ZSWIM9: variants seen among roughly 807,000 people sequenced by gnomAD.
ZSWIM9 encodes uncharacterized protein ZSWIM9.
ZSWIM9 carries 11 observed loss-of-function variants against 25.0 expected under a neutral mutation model. The observed-to-expected ratio is 0.44, with a 90% CI of 0.28 to 0.73. ZSWIM9 has a LOEUF of 0.73. ZSWIM9 is among the 30% of genes least tolerant of loss of function. The pLI, the probability that ZSWIM9 is intolerant of heterozygous loss-of-function variation, is 0.16. For synonymous variants in ZSWIM9, 562 were observed against 582.1 expected (o/e 0.97, Z 0.50); for missense variants, 1,070 against 1,296.5 (o/e 0.83, Z 2.68).
rs1199274556 is a variant in ZSWIM9 at position 48,195,694 on chromosome 19, T to C, written c.1630T>C (p.Ser544Pro). Residue 544 changes from serine (S) to proline (P), a missense_variant, in exon 4 of 4, where the codon TCG becomes CCG. By Grantham distance (74) the Ser-to-Pro change is moderately conservative. Coordinates refer to ENST00000614654, the MANE Select transcript of ZSWIM9 (RefSeq NM_199341.4). This position sits in a 1 kb window ranked among gnomAD's most constrained non-coding sequence, Gnocchi z 5.8. ...ACTGGAAGGGGGTGTCTTGAGAGGG[T>C]CGAAGTTAGAGAAAGGGCACCTGAG... ...RGLEGGVLRG[S>P]KLEKGHLRGP... 6.9e-7 allele frequency: 1 copy of C among 1,452,012 alleles called. No homozygotes were observed. Among genetic ancestry groups the C allele is most frequent in the Admixed American group, 2.6e-5 (1 of 37,842 alleles). 89.9% of individuals were successfully genotyped at this position (1,452,012 alleles called of 1,614,324 possible).
intron 3 of ZSWIM9, among the ~76,000 whole-genome samples, chr19:48,189,724 T>C (rs534823394): frequency 1.3e-5 from 2 of 152,330 alleles, no homozygotes; most frequent in East Asian, 3.9e-4. Flanking sequence ...GTATGCTTAC[T>C]TGTACTCATA....
In ZSWIM9 at chr19:48,196,690, A is replaced by G; in HGVS notation, c.2626A>G (p.Thr876Ala). Reference protein sequence around the residue: ...TSDFFLDGALTRCSCSIHAAR... With the variant: ...TSDFFLDGALARCSCSIHAAR... ...GGACTTCTTCCTGGATGGGGCCCTG[A>G]CACGCTGCAGCTGCTCAATTCACGC... Residue 876 changes from threonine to alanine, a missense_variant, in exon 4 of 4, where the codon ACA becomes GCA. Physicochemically the swap from Thr to Ala is moderately conservative, Grantham distance 58. Around this residue, in one of 4 missense-constraint regions of ZSWIM9, gnomAD observed 583 missense variants for 624.7 expected, o/e 0.93. Transcript: ENST00000614654. The G allele has an allele frequency of 8.1e-7, 1 of 1,233,018 alleles. No individual in the cohort carries two copies. The highest frequency in any genetic ancestry group is 1.0e-6 in the Non-Finnish European group (1 of 988,672). 76.4% of individuals were successfully genotyped at this position (1,233,018 alleles called of 1,614,324 possible).
At chr19:48,191,262 T>C (rs1308661164) in intron 3 of ZSWIM9, among the ~76,000 whole-genome samples, 2 of 152,154 alleles carry the variant, frequency 1.3e-5, no homozygotes, top group Non-Finnish European at 2.9e-5. Flanking sequence ...TGGAGTACAG[T>C]GGCACAATCT....
intron 3 of ZSWIM9, among the ~76,000 whole-genome samples, chr19:48,191,086 ATGTGTATGTG>A (rs768561347): frequency 1.3e-4 from 19 of 142,648 alleles, no homozygotes; most frequent in South Asian, 6.6e-4. Flanking sequence ...TGCAGTGTGT[ATGTGTATGTG>A]TGTGTGTGTG....
Position 48,194,994 on chromosome 19 carries a change from C to T in ZSWIM9, c.930C>T (p.Pro310=). 7.4e-7 allele frequency: 1 copy of T among 1,342,952 alleles called. No individual in the cohort carries two copies. The highest frequency in any genetic ancestry group is 4.2e-5 in the Admixed American group (1 of 23,870). The allele number at this position is 1,342,952 out of a possible 1,614,324, so 83.2% of individuals were successfully genotyped here. Residue 310 remains proline, a synonymous_variant, in exon 4 of 4, where the codon CCC becomes CCT. Coordinates refer to ENST00000614654, the MANE Select transcript of ZSWIM9 (RefSeq NM_199341.4). The surrounding 1 kb of genome is among the most constrained non-coding windows in gnomAD (Gnocchi z 6.0). ...TGCCTGCAGTGCGCCAGCTGCTGCC[C>T]TGCGCGCGCGTGCAGATCTGCCGCG... ...AQLPAVRQLL[P]CARVQICRAQ... is the part of the protein sequence containing the mutation.
At position 48,197,143 on chromosome 19, in the gene ZSWIM9, G is replaced by A; in HGVS notation, c.*316G>A. ...TGGGACAGAAGGAAGGAAAGGGGCAGAGCTGGGGGGAGGGGGAGGAAGCGA... is the reference window on the plus strand; with the variant it reads ...TGGGACAGAAGGAAGGAAAGGGGCAAAGCTGGGGGGAGGGGGAGGAAGCGA... On this transcript the variant is annotated 3_prime_UTR_variant, in exon 4 of 4. Transcript: ENST00000614654. 1.4e-6 allele frequency: 1 copy of A among 691,544 alleles called. No individual in the cohort carries two copies. The highest frequency in any genetic ancestry group is 2.7e-5 in the East Asian group (1 of 37,060). 42.8% of individuals were successfully genotyped at this position (691,544 alleles called of 1,614,324 possible). A position where few individuals can be genotyped will look rare whatever the true frequency, so the allele number is the denominator to read the frequency against.
chr19:48,195,227 G>A lies in ZSWIM9; in HGVS notation c.1163G>A (p.Trp388Ter). The change falls in exon 4 of 4, where the codon TGG becomes TAG. Residue 388 changes from tryptophan to a stop codon, truncating the protein, a stop_gained. Transcript: ENST00000614654. LOFTEE classifies it low-confidence loss of function (END_TRUNC). This position sits in a 1 kb window ranked among gnomAD's most constrained non-coding sequence, Gnocchi z 5.8. Reference protein sequence around the residue: ...ERNWEPRRDMWVRFRAFEAAR... With the variant: ...ERNWEPRRDM ...AACTGGGAGCCCCGCCGCGACATGT[G>A]GGTCCGCTTCCGCGCCTTCGAGGCG... 6.5e-7 allele frequency: 1 copy of A among 1,528,598 alleles called. No individual in the cohort carries two copies. Among genetic ancestry groups the A allele is most frequent in the Non-Finnish European group, 8.8e-7 (1 of 1,142,696 alleles). 94.7% of individuals were successfully genotyped at this position (1,528,598 alleles called of 1,614,324 possible).
chr19:48,173,186 G>A (rs558082057), intron 2 of ZSWIM9, among the ~76,000 whole-genome samples: 2 of 152,316 alleles, frequency 1.3e-5, no homozygotes, highest in Non-Finnish European at 2.9e-5. Context: ...AAAAGAACAA[G>A]CTCACAGGTA....
Position 48,196,437 on chromosome 19 carries a change from A to T in ZSWIM9, c.2373A>T (p.Ala791=). Residue 791 remains alanine (A), a synonymous_variant, in exon 4 of 4, where the codon GCA becomes GCT. Transcript: ENST00000614654. Reference sequence around the variant, plus strand: ...CGGCGAGGAGTGAACACCTGGCTGCAGGTGACGGCCTGCAGGAAGGAGGCG... The same window carrying T: ...CGGCGAGGAGTGAACACCTGGCTGCTGGTGACGGCCTGCAGGAAGGAGGCG... ...WAAARSEHLA[A]GDGLQEGGED... 8.1e-7 allele frequency: 1 copy of T among 1,232,550 alleles called. No homozygotes were observed. The highest frequency in any genetic ancestry group is 1.0e-6 in the Non-Finnish European group (1 of 988,340). The allele number at this position is 1,232,550 out of a possible 1,614,324, so 76.4% of individuals were successfully genotyped here.
chr19:48,192,875 C>T (rs1004916886), intron 3 of ZSWIM9: 2 of 153,376 alleles, frequency 1.3e-5, no homozygotes, highest in African/African-American at 4.8e-5. Context: ...AATTATCTAA[C>T]AGCAGCACAT....
At chr19:48,179,885 A>G (rs2036930189) in intron 2 of ZSWIM9, among the ~76,000 whole-genome samples, 1 of 152,212 alleles carries the variant, frequency 6.6e-6, no homozygotes, top group South Asian at 2.1e-4. Context: ...GGCGGCCAAT[A>G]TGGGTCTCAG....
At position 48,195,643 on chromosome 19, in the gene ZSWIM9, C is replaced by T; in HGVS notation, c.1579C>T (p.Arg527Trp). Reference sequence around the variant, plus strand: ...GCAGATCAGAGATTGGAGAGGGGGTCGGTTGGAGAATCAGAAGCCGAGGGG... The same window carrying T: ...GCAGATCAGAGATTGGAGAGGGGGTTGGTTGGAGAATCAGAAGCCGAGGGG... ...ALQIRDWRGGRLENQKPRGLE... is the reference protein window; with the variant it reads ...ALQIRDWRGGWLENQKPRGLE... The change falls in exon 4 of 4, where the codon CGG (arginine) becomes TGG (tryptophan). Residue 527 changes from arginine to tryptophan, a missense_variant. This residue lies in a region of ZSWIM9 where 583 missense variants were observed against 624.7 expected (regional missense o/e 0.93). Transcript: ENST00000614654. The surrounding 1 kb of genome is among the most constrained non-coding windows in gnomAD (Gnocchi z 5.8). 7.1e-7 allele frequency: 1 copy of T among 1,417,742 alleles called. No homozygotes were observed. The highest frequency in any genetic ancestry group is 1.5e-5 in the African/African-American group (1 of 67,412). 87.8% of individuals were successfully genotyped at this position (1,417,742 alleles called of 1,614,324 possible).
In ZSWIM9 at chr19:48,195,022, C is replaced by T. The variant is rs2037140607; in HGVS notation, c.958C>T (p.Gln320Ter). 4.4e-6 allele frequency: 6 copies of T among 1,370,234 alleles called. No homozygotes were observed. The highest frequency in any genetic ancestry group is 3.7e-6 in the Non-Finnish European group (4 of 1,069,768). 84.9% of individuals were successfully genotyped at this position (1,370,234 alleles called of 1,614,324 possible). The change falls in exon 4 of 4, where the codon CAG becomes TAG. Residue 320 changes from glutamine to a stop codon, truncating the protein, a stop_gained. Transcript: ENST00000614654. LOFTEE classifies it low-confidence loss of function (END_TRUNC). This position sits in a 1 kb window ranked among gnomAD's most constrained non-coding sequence, Gnocchi z 5.8. ...CGCGCGCGTGCAGATCTGCCGCGCG[C>T]AGGGCCTGGAGACGCTCTTCAGCAA... ...PCARVQICRA[Q>*]GLETLFSKAQ...
chr19:48,187,502 T>C (rs1419576935), intron 3 of ZSWIM9, among the ~76,000 whole-genome samples: 1 of 3,404 alleles, frequency 2.9e-4, no homozygotes, highest in Non-Finnish European at 1.1e-3. Flanking sequence ...TATAATATAT[T>C]ATATTATATT....
In ZSWIM9 at chr19:48,197,306, G is replaced by C; in HGVS notation, c.*479G>C. On this transcript the variant is annotated 3_prime_UTR_variant, in exon 4 of 4. Coordinates refer to ENST00000614654, the MANE Select transcript of ZSWIM9 (RefSeq NM_199341.4). The stretch of plus-strand genomic sequence containing the variant: ...AAAATGGAAAGGGGAGCCGGAAATG[G>C]AGGAGAGAGGACAAGCAAAGAGACA... 1.4e-6 allele frequency: 1 copy of C among 702,708 alleles called. No homozygotes were observed. The highest frequency in any genetic ancestry group is 2.7e-5 in the East Asian group (1 of 37,258). 43.5% of individuals were successfully genotyped at this position (702,708 alleles called of 1,614,324 possible).
chr19:48,195,017 G>T lies in ZSWIM9; in HGVS notation c.953G>T (p.Arg318Leu). Residue 318 changes from arginine to leucine, a missense_variant, in exon 4 of 4, where the codon CGC becomes CTC. This residue lies in a region of ZSWIM9 where 184 missense variants were observed against 243.1 expected (regional missense o/e 0.76). Transcript: ENST00000614654. This position sits in a 1 kb window ranked among gnomAD's most constrained non-coding sequence, Gnocchi z 5.8. ...LLPCARVQIC[R>L]AQGLETLFSK... ...CCCTGCGCGCGCGTGCAGATCTGCC[G>T]CGCGCAGGGCCTGGAGACGCTCTTC... is the stretch of plus-strand genomic sequence containing the variant. The T allele has an allele frequency of 7.3e-7, 1 of 1,366,252 alleles. No homozygotes were observed. The highest frequency in any genetic ancestry group is 9.4e-7 in the Non-Finnish European group (1 of 1,067,566). 84.6% of individuals were successfully genotyped at this position (1,366,252 alleles called of 1,614,324 possible). A position where few individuals can be genotyped will look rare whatever the true frequency, so the allele number is the denominator to read the frequency against.
intron 1 of ZSWIM9, chr19:48,171,264 C>T (rs1288419142): frequency 5.1e-6 from 5 of 985,172 alleles, no homozygotes; most frequent in Non-Finnish European, 6.0e-6. Context: ...AGCATGTGAC[C>T]GGGTGAGGGG....
intron 2 of ZSWIM9, among the ~76,000 whole-genome samples, chr19:48,177,060 T>C (rs2036901029): frequency 6.6e-6 from 1 of 151,164 alleles, no homozygotes; most frequent in African/African-American, 2.4e-5. Flanking sequence ...AGACTCCGTC[T>C]CCAAAAAAAT....
In ZSWIM9 at chr19:48,197,301, A is replaced by C. The variant is rs1484195576; in HGVS notation, c.*474A>C. On this transcript the variant is annotated 3_prime_UTR_variant, in exon 4 of 4. Transcript: ENST00000614654. The stretch of plus-strand genomic sequence containing the variant: ...GAGAAAAAATGGAAAGGGGAGCCGG[A>C]AATGGAGGAGAGAGGACAAGCAAAG... The C allele has an allele frequency of 1.4e-6, 1 of 702,722 alleles. No homozygotes were observed. Among genetic ancestry groups the C allele is most frequent in the Admixed American group, 2.0e-5 (1 of 49,966 alleles). The allele number at this position is 702,722 out of a possible 1,614,324, so 43.5% of individuals were successfully genotyped here.
Sources: allele counts gnomAD v4.1 joint callset (sites outside exome capture counted in the v4.1 genomes callset), GRCh38; gene constraint gnomAD v4.1.1; regional missense constraint gnomAD v4.1.1; non-coding constraint Gnocchi (gnomAD v3.1); transcripts MANE v1.5; gene names NCBI Gene and HGNC (gene_info 2026-07-23, HGNC 2026-07-21).